RAPGEF2: variants seen among roughly 807,000 people sequenced by gnomAD.
RAPGEF2 encodes the protein Rap guanine nucleotide exchange factor 2, also known as PDZ domain containing guanine nucleotide exchange factor (GEF) 1.
RAPGEF2 carries 54 observed loss-of-function variants against 186.7 expected under a neutral mutation model. The observed-to-expected ratio is 0.29, with a 90% CI of 0.23 to 0.36. The LOEUF is 0.36. Ranked by LOEUF, RAPGEF2 falls within the 10% of genes least tolerant of loss-of-function variation. The pLI is 1.00. For synonymous variants in RAPGEF2, 712 were observed against 705.9 expected, an observed-to-expected ratio of 1.01 and a Z score of -0.14; for missense variants, 1,532 against 2,045.0, an observed-to-expected ratio of 0.75 and a Z score of 4.84.
Position 159,343,416 on chromosome 4 carries a change from A to T in RAPGEF2, c.3254+12A>T. On this transcript the variant is annotated intron_variant, in intron 22 of 29. Transcript: ENST00000691494. ...ATGTTCAGGACTCGGTGAGTATGTC[A>T]TCTTCAGTGGCACGTGTGAGAGTAG... The T allele has an allele frequency of 6.2e-7, 1 of 1,613,314 alleles. No individual in the cohort carries two copies. The highest frequency in any genetic ancestry group is 8.5e-7 in the Non-Finnish European group (1 of 1,179,310).
chr4:159,336,759 A>G (rs1392704280), intron 17 of RAPGEF2, among the ~76,000 whole-genome samples: 1 of 152,192 alleles, frequency 6.6e-6, no homozygotes, highest in Non-Finnish European at 1.5e-5. Context: ...AAAGGGAAGA[A>G]ATGTTGCTAT....
rs571806018 is a variant in RAPGEF2, at chr4:159,122,010, G to A, written c.69+17779G>A. Among the ~76,000 whole-genome samples the A allele has an allele frequency of 7.6e-5, 9 of 119,176 alleles. 1 individual carries two copies. Among genetic ancestry groups the A allele is most frequent in the Admixed American group, 1.1e-4 (1 of 8,834 alleles). The allele number at this position is 119,176 out of a possible 152,430, so 78.2% of individuals were successfully genotyped here. A position where few individuals can be genotyped will look rare whatever the true frequency, so the allele number is the denominator to read the frequency against. Reference sequence around the variant, plus strand: ...GGTGAGATCGCACCACTGCACTCCAGCCTGGGAGACAGAGCAAGACTCCAT... The same window carrying A: ...GGTGAGATCGCACCACTGCACTCCAACCTGGGAGACAGAGCAAGACTCCAT... On this transcript the variant is annotated intron_variant, in intron 1 of 29. Transcript: ENST00000691494.
At chr4:159,318,123 A>G (rs1331205328) in intron 9 of RAPGEF2, among the ~76,000 whole-genome samples, 1 of 152,202 alleles carries the variant, frequency 6.6e-6, no homozygotes, top group African/African-American at 2.4e-5. Flanking sequence ...ATACCAGTTT[A>G]CTTGCAAGCA....
At chr4:159,283,987 G>T (rs778054199) in intron 7 of RAPGEF2, among the ~76,000 whole-genome samples, 5 of 152,082 alleles carry the variant, frequency 3.3e-5, no homozygotes, top group Admixed American at 6.6e-5. Context: ...TGCCAAAAGA[G>T]GTGTTAGCAC....
At chr4:159,300,335 C>T (rs1762503525) in intron 7 of RAPGEF2, among the ~76,000 whole-genome samples, 1 of 151,498 alleles carries the variant, frequency 6.6e-6, no homozygotes, top group Non-Finnish European at 1.5e-5. Context: ...AACCATTTGC[C>T]TAAGAGTAGT....
At position 159,223,144 on chromosome 4, in the gene RAPGEF2, T is replaced by G. The variant is rs72699344; in HGVS notation, c.281+12561T>G. 5.6e-3 allele frequency among the ~76,000 whole-genome samples: 849 copies of G among 152,256 alleles called. 4 individuals carry two copies. Among genetic ancestry groups the G allele is most frequent in the Non-Finnish European group, 9.2e-3 (628 of 67,980 alleles). Reference sequence around the variant, plus strand: ...TTTTAAAAGGATCTGCAGTTATTTTTTATTACCAATTAGTATTTTGAATTG... The same window carrying G: ...TTTTAAAAGGATCTGCAGTTATTTTGTATTACCAATTAGTATTTTGAATTG... On this transcript the variant is annotated intron_variant, in intron 4 of 29. Transcript: ENST00000691494.
At chr4:159,308,845 C>T (rs1041258332) in intron 8 of RAPGEF2, among the ~76,000 whole-genome samples, 1 of 152,048 alleles carries the variant, frequency 6.6e-6, no homozygotes, top group African/African-American at 2.4e-5. Flanking sequence ...TGTTTTCTCT[C>T]GGAAGAGTTG....
chr4:159,181,949 G>T (rs1747057382), intron 1 of RAPGEF2, among the ~76,000 whole-genome samples: 1 of 152,186 alleles, frequency 6.6e-6, no homozygotes, highest in Non-Finnish European at 1.5e-5. Context: ...TATTATAAAT[G>T]TTTCATTGGG....
chr4:159,209,784 T>A (rs924510239), intron 3 of RAPGEF2, among the ~76,000 whole-genome samples: 1 of 152,272 alleles, frequency 6.6e-6, no homozygotes, highest in Non-Finnish European at 1.5e-5. Flanking sequence ...TTCCAGCTAC[T>A]ACTGTATGTG....
chr4:159,341,624 G>A lies in RAPGEF2; in HGVS notation c.2595G>A (p.Glu865=). Residue 865 remains glutamate (E), a synonymous_variant, in exon 20 of 30, where the codon GAG becomes GAA. Transcript: ENST00000691494. ...TTTGTTCAGATGAAGATGCTCAGGA[G>A]TTGTTGAGAGAGAGTCAAATTTCCC... ...ETLCSDEDAQ[E]LLRESQISLL... is the part of the protein sequence containing the mutation. 13 of 1,613,464 alleles carry A rather than the reference G, an allele frequency of 8.1e-6. No homozygotes were observed. The highest frequency in any genetic ancestry group is 2.2e-5 in the East Asian group (1 of 44,888).
intron 10 of RAPGEF2, among the ~76,000 whole-genome samples, chr4:159,322,753 G>A (rs748771528): frequency 4.6e-5 from 7 of 152,110 alleles, no homozygotes; most frequent in Admixed American, 1.3e-4. Context: ...CATGGCAGGC[G>A]GTGAAAGGCA....
intron 2 of RAPGEF2, among the ~76,000 whole-genome samples, chr4:159,191,767 A>G (rs1201570494): frequency 1.3e-5 from 2 of 152,112 alleles, no homozygotes; most frequent in Non-Finnish European, 2.9e-5. Context: ...TAATAATACT[A>G]TATAGACAAC....
At position 159,330,653 on chromosome 4, in the gene RAPGEF2, AG is replaced by A. The variant is rs940445962; in HGVS notation, c.1467+157del. The A allele has an allele frequency of 7.5e-4, 434 of 577,696 alleles. 1 individual carries two copies. In the East Asian group the frequency reaches 8.5e-3, roughly 11 times the overall value. The allele number at this position is 577,696 out of a possible 1,614,324, so 35.8% of individuals were successfully genotyped here. On this transcript the variant is annotated intron_variant, in intron 13 of 29. Coordinates refer to ENST00000691494, the MANE Select transcript of RAPGEF2 (RefSeq NM_001394067.2). ...AAAAAAAACAAAAAAACAAAAAAAA[AG>A]GTGATACAAAATATTAGTTCAGCCT...
intron 7 of RAPGEF2, among the ~76,000 whole-genome samples, chr4:159,292,202 G>T (rs1033973873): frequency 6.6e-6 from 1 of 152,062 alleles, no homozygotes; most frequent in Non-Finnish European, 1.5e-5. Flanking sequence ...AGCTCCCCAC[G>T]TGATTTCACC....
chr4:159,298,754 A>G (rs1020856617), intron 7 of RAPGEF2, among the ~76,000 whole-genome samples: 1 of 152,192 alleles, frequency 6.6e-6, no homozygotes, highest in Non-Finnish European at 1.5e-5. Context: ...GAATAGCTCA[A>G]TAATCCATTG....
At chr4:159,273,642 CTTTCTTTCTTT>C (rs1561188528) in intron 7 of RAPGEF2, among the ~76,000 whole-genome samples, 9 of 109,518 alleles carry the variant, frequency 8.2e-5, no homozygotes, top group African/African-American at 3.3e-4. Context: ...TTCTTTCTTT[CTTTCTTTCTTT>C]CTTTCTTTCT....
rs1365729382 is a variant in RAPGEF2 at position 159,350,236 on chromosome 4, C to T, written c.3812C>T (p.Ala1271Val). ...CAGGCTGAAGATACAATATCAAATG[C>T]ATCTTCGCAGCTTTCTTCTCCTCCT... ...KKQAEDTISN[A>V]SSQLSSPPTS... The change falls in exon 26 of 30, where the codon GCA becomes GTA. Residue 1271 changes from alanine (A) to valine (V), a missense_variant. Physicochemically the swap from Ala to Val is moderately conservative, Grantham distance 64. This residue lies in a region of RAPGEF2 where 594 missense variants were observed against 608.5 expected (regional missense o/e 0.98). Coordinates refer to ENST00000691494, the MANE Select transcript of RAPGEF2 (RefSeq NM_001394067.2). The T allele has an allele frequency of 1.3e-6, 2 of 1,599,838 alleles. No individual in the cohort carries two copies. The highest frequency in any genetic ancestry group is 2.2e-5 in the East Asian group (1 of 44,462).
chr4:159,163,804 G>A (rs1159937650), intron 1 of RAPGEF2, among the ~76,000 whole-genome samples: 1 of 150,544 alleles, frequency 6.6e-6, no homozygotes, highest in East Asian at 1.9e-4. Flanking sequence ...AAGATGAAAG[G>A]ATCTGAAAAA....
At chr4:159,203,566 G>A (rs1409479303) in intron 3 of RAPGEF2, among the ~76,000 whole-genome samples, 4 of 152,162 alleles carry the variant, frequency 2.6e-5, no homozygotes, top group Non-Finnish European at 5.9e-5. Context: ...AGAAGGATGA[G>A]TAATAAATTT....
Sources: allele counts gnomAD v4.1 joint callset (sites outside exome capture counted in the v4.1 genomes callset), GRCh38; gene constraint gnomAD v4.1.1; regional missense constraint gnomAD v4.1.1; transcripts MANE v1.5; gene names NCBI Gene and HGNC (gene_info 2026-07-23, HGNC 2026-07-21).